The following SRPK2 variants were observed in gnomAD, a reference collection of about 807,000 sequenced individuals.
SRPK2 encodes the protein SFRS protein kinase 2.
A neutral mutation model predicts 90.8 loss-of-function variants in SRPK2; 21 were observed. The observed-to-expected ratio is 0.23, with a 90% confidence interval of 0.16 to 0.33. The LOEUF (loss-of-function observed/expected upper bound fraction) is 0.33, where lower values mean the gene tolerates loss of function less well. Among genes scored for constraint, SRPK2 ranks in the 10% least tolerant of loss-of-function variants. The probability of loss-of-function intolerance (pLI) is 1.00; values close to 1 mark genes in which losing one functional copy is unlikely to be tolerated. For missense variants in SRPK2, 620 were observed against 869.0 expected (o/e 0.71, Z 3.60); for synonymous variants, 288 against 311.1 (o/e 0.93, Z 0.78).
intron 2 of SRPK2, among the ~76,000 whole-genome samples, chr7:105,359,150 CTTTTTTTT>C (rs35765090): frequency 1.8e-5 from 1 of 54,796 alleles, no homozygotes; most frequent in Non-Finnish European, 3.1e-5. Flanking sequence ...CAAACCACAG[CTTTTTTTT>C]TTTTTTTTTT....
intron 2 of SRPK2, among the ~76,000 whole-genome samples, chr7:105,292,675 TTC>T (rs1478374505): frequency 2.0e-5 from 3 of 152,144 alleles, no homozygotes; most frequent in South Asian, 4.1e-4. Context: ...GCTATTGTTT[TTC>T]TGTTTTATTC....
rs536136444 is a variant in SRPK2, at chr7:105,141,960, G to A, written c.1543+48C>T. 51 of 1,552,370 alleles carry A rather than the reference G, an allele frequency of 3.3e-5. No homozygotes were observed. The Middle Eastern group carries it at 8.7e-4, about 27-fold the overall frequency. ...CCTTCACAGCATTTGTTAAAGGCAC[G>A]TCCCTGGAGTCAGCGATGGCAGACA... On this transcript the variant is annotated intron_variant, in intron 11 of 15. Transcript: ENST00000393651.
At chr7:105,220,319 G>A (rs190362299) in intron 2 of SRPK2, among the ~76,000 whole-genome samples, 47 of 152,190 alleles carry the variant, frequency 3.1e-4, no homozygotes, top group African/African-American at 1.1e-3. Context: ...ACAGGGTCAA[G>A]AGATCGATAC....
chr7:105,248,197 AC>A (rs754944528), intron 2 of SRPK2, among the ~76,000 whole-genome samples: 9 of 152,122 alleles, frequency 5.9e-5, no homozygotes, highest in Non-Finnish European at 1.3e-4. Flanking sequence ...GGTTGGTACT[AC>A]TTAAAGGAAG....
intron 2 of SRPK2, among the ~76,000 whole-genome samples, chr7:105,298,970 C>T (rs573450369): frequency 6.6e-5 from 10 of 152,334 alleles, no homozygotes; most frequent in Admixed American, 1.3e-4. Flanking sequence ...CCCACTTTCA[C>T]CACCATGAAT....
chr7:105,372,067 G>A (rs903870219), intron 2 of SRPK2, among the ~76,000 whole-genome samples: 11 of 151,208 alleles, frequency 7.3e-5, no homozygotes, highest in Admixed American at 4.0e-4. Context: ...CCCGGAAGGC[G>A]GAGGCCGCAG....
At chr7:105,297,606 C>G (rs1809991276) in intron 2 of SRPK2, 1 of 496,968 alleles carries the variant, frequency 2.0e-6, no homozygotes, top group Non-Finnish European at 2.6e-6. Context: ...CCTAAAAGGT[C>G]TTCCGAGATT....
chr7:105,227,893 C>CAAAAAAAAAAAAAAAAAAA (rs566478716), intron 2 of SRPK2, among the ~76,000 whole-genome samples: 1 of 84,686 alleles, frequency 1.2e-5, no homozygotes, highest in African/African-American at 4.0e-5. Context: ...TATCATTCAG[C>CAAAAAAAAAAAAAAAAAAA]AAAAAAAAAA....
chr7:105,209,774 G>C (rs965304565), intron 2 of SRPK2, among the ~76,000 whole-genome samples: 2 of 151,956 alleles, frequency 1.3e-5, no homozygotes, highest in African/African-American at 4.8e-5. Flanking sequence ...GAAAAACACA[G>C]CACTTCAGTG....
upstream of SRPK2, among the ~76,000 whole-genome samples, chr7:105,394,103 C>T (rs1222359846): frequency 4.6e-5 from 7 of 151,886 alleles, no homozygotes; most frequent in African/African-American, 7.3e-5. Flanking sequence ...TCATACAATA[C>T]GTGGCCTTTT....
At chr7:105,301,516 G>A (rs1414450275) in intron 2 of SRPK2, 5 of 1,403,132 alleles carry the variant, frequency 3.6e-6, no homozygotes, top group Non-Finnish European at 5.0e-6. Flanking sequence ...CGCAACCGGT[G>A]TGACGAGTGC....
intron 3 of SRPK2, among the ~76,000 whole-genome samples, chr7:105,192,050 CTT>C (rs34465290): frequency 0.82 from 117,432 of 143,832 alleles, 48,619 homozygotes; most frequent in Non-Finnish European, 0.87. Flanking sequence ...TCTGCTTCTG[CTT>C]TTTTTTTTTT....
At chr7:105,262,395 A>C (rs1466711995) in intron 2 of SRPK2, among the ~76,000 whole-genome samples, 1 of 152,190 alleles carries the variant, frequency 6.6e-6, no homozygotes, top group Non-Finnish European at 1.5e-5. Context: ...ACCTACCTCA[A>C]GGGCTTTAAG....
At chr7:105,123,951 T>C (rs1800763998) in intron 15 of SRPK2, among the ~76,000 whole-genome samples, 1 of 152,224 alleles carries the variant, frequency 6.6e-6, no homozygotes, top group Non-Finnish European at 1.5e-5. Context: ...GCATTTTAAC[T>C]CTGCAGGTTA....
At chr7:105,326,046 C>T (rs189864876) in intron 2 of SRPK2, among the ~76,000 whole-genome samples, 38 of 152,302 alleles carry the variant, frequency 2.5e-4, no homozygotes, top group Admixed American at 7.2e-4. Context: ...GGGTCTGGTG[C>T]GGAGAGCCAT....
chr7:105,223,646 T>C (rs1359514344), intron 2 of SRPK2, among the ~76,000 whole-genome samples: 2 of 152,234 alleles, frequency 1.3e-5, no homozygotes, highest in African/African-American at 4.8e-5. Flanking sequence ...CATGTTTTCC[T>C]CTGCCACTAG....
At chr7:105,265,306 T>C (rs1209171188) in intron 2 of SRPK2, among the ~76,000 whole-genome samples, 1 of 152,214 alleles carries the variant, frequency 6.6e-6, no homozygotes, top group Non-Finnish European at 1.5e-5. Flanking sequence ...TAACAACTAT[T>C]TACAGAGTGT....
At chr7:105,384,625 T>C (rs1386534930) in intron 2 of SRPK2, among the ~76,000 whole-genome samples, 1 of 152,128 alleles carries the variant, frequency 6.6e-6, no homozygotes, top group Non-Finnish European at 1.5e-5. Context: ...CTCTGGAAAA[T>C]TAATCAAAAA....
chr7:105,398,444 C>T (rs998585917), intron 1 of SRPK2, among the ~76,000 whole-genome samples: 1 of 146,628 alleles, frequency 6.8e-6, no homozygotes, highest in African/African-American at 2.5e-5. Flanking sequence ...AGTGCAATGG[C>T]GCAACCTCAG....
Sources: gnomAD v4.1 joint callset for allele counts (sites outside exome capture counted in the v4.1 genomes callset) on GRCh38, gnomAD v4.1.1 for gene constraint, MANE v1.5 for transcripts, NCBI Gene and HGNC (gene_info 2026-07-23, HGNC 2026-07-21) for gene names.